Variants in ERC2 observed in about 807,000 individuals in gnomAD.
ERC2 encodes the protein ERC protein 2.
Under a neutral mutation model 114.8 loss-of-function variants are expected in ERC2, and 42 were observed. The ratio of observed to expected loss-of-function variants is 0.37; its 90% confidence interval spans 0.29 to 0.47. The LOEUF (loss-of-function observed/expected upper bound fraction) is 0.47. Ranked by LOEUF, ERC2 falls within the 20% of genes least tolerant of loss-of-function variation. The pLI, the probability that ERC2 is intolerant of heterozygous loss-of-function variation, is 0.99. For missense variants in ERC2, 939 were observed against 1,150.7 expected, an observed-to-expected ratio of 0.82 and a Z score of 2.66; for synonymous variants, 454 against 425.5, an observed-to-expected ratio of 1.07 and a Z score of -0.82.
intron 14 of ERC2, among the ~76,000 whole-genome samples, chr3:55,874,738 G>T (rs1464989776): frequency 2.0e-5 from 3 of 152,066 alleles, no homozygotes; most frequent in Non-Finnish European, 4.4e-5. Context: ...GGTGGGCAGG[G>T]TTAATGAAAG....
At chr3:55,701,240 A>G in intron 15 of ERC2, among the ~76,000 whole-genome samples, 1 of 152,192 alleles carries the variant, frequency 6.6e-6, no homozygotes, top group East Asian at 1.9e-4. Context: ...AATTATTACT[A>G]TCCTCATTTG....
At chr3:56,114,739 G>A (rs9874507) in intron 6 of ERC2, among the ~76,000 whole-genome samples, 3 of 152,042 alleles carry the variant, frequency 2.0e-5, no homozygotes, top group African/African-American at 4.8e-5. Context: ...GAAAGAGATC[G>A]GACCTAACCA....
intron 17 of ERC2, among the ~76,000 whole-genome samples, chr3:55,562,145 C>T (rs1187493029): frequency 6.6e-6 from 1 of 152,124 alleles, no homozygotes; most frequent in Non-Finnish European, 1.5e-5. Flanking sequence ...GAAAAATTCT[C>T]CCGCTGCCTT....
chr3:56,251,282 A>G (rs370141831), intron 3 of ERC2, among the ~76,000 whole-genome samples: 1 of 152,310 alleles, frequency 6.6e-6, no homozygotes, highest in South Asian at 2.1e-4. Flanking sequence ...AAAAAGTAAG[A>G]CATTATCAGT....
intron 14 of ERC2, among the ~76,000 whole-genome samples, chr3:55,785,666 T>G (rs569631303): frequency 1.3e-5 from 2 of 152,354 alleles, no homozygotes; most frequent in African/African-American, 2.4e-5. Flanking sequence ...TTCTCATTCA[T>G]GCTGCCCGGA....
chr3:56,286,733 A>T (rs1053803006), intron 3 of ERC2, among the ~76,000 whole-genome samples: 5 of 152,058 alleles, frequency 3.3e-5, no homozygotes, highest in African/African-American at 1.2e-4. Context: ...GTAATCATTT[A>T]AAAAGGTAAA....
intron 6 of ERC2, among the ~76,000 whole-genome samples, chr3:56,106,661 A>T (rs939502884): frequency 6.6e-6 from 1 of 152,332 alleles, no homozygotes; most frequent in Non-Finnish European, 1.5e-5. Context: ...GAGAAAAGCC[A>T]CTTTGGTCAA....
chr3:56,273,806 T>G (rs2053818296), intron 3 of ERC2, among the ~76,000 whole-genome samples: 1 of 152,190 alleles, frequency 6.6e-6, no homozygotes, highest in African/African-American at 2.4e-5. Context: ...TGTTGCAATG[T>G]ACTGATTTTG....
chr3:56,228,410 T>C (rs932381486), intron 3 of ERC2, among the ~76,000 whole-genome samples: 2 of 152,322 alleles, frequency 1.3e-5, no homozygotes, highest in East Asian at 3.9e-4. Context: ...CTACTTCCTG[T>C]CTCTATGAAT....
chr3:56,369,180 T>C (rs1362507670), intron 2 of ERC2, among the ~76,000 whole-genome samples: 1 of 152,226 alleles, frequency 6.6e-6, no homozygotes, highest in African/African-American at 2.4e-5. Flanking sequence ...TGTCCACTCA[T>C]AATGGAACTT....
At chr3:55,835,098 A>G (rs115012260) in intron 14 of ERC2, among the ~76,000 whole-genome samples, 28,222 of 151,644 alleles carry the variant, frequency 0.19, 4,010 homozygotes, top group African/African-American at 0.39. Context: ...TGAAATTGTG[A>G]CCATAATCAA....
chr3:56,278,027 G>A (rs2054116556), intron 3 of ERC2, among the ~76,000 whole-genome samples: 1 of 152,206 alleles, frequency 6.6e-6, no homozygotes, highest in Admixed American at 6.5e-5. Context: ...TTTGTAACAA[G>A]GGGAGATTAA....
intron 2 of ERC2, among the ~76,000 whole-genome samples, chr3:56,321,802 A>C (rs2057139148): frequency 6.6e-6 from 1 of 152,218 alleles, no homozygotes; most frequent in Admixed American, 6.5e-5. Context: ...TTGCTAAGGG[A>C]TACTTCAGGC....
At chr3:55,757,186 G>C (rs1483549971) in intron 14 of ERC2, among the ~76,000 whole-genome samples, 1 of 152,158 alleles carries the variant, frequency 6.6e-6, no homozygotes, top group Admixed American at 6.5e-5. Flanking sequence ...TTCCGGCCAA[G>C]GAGAGCTTCT....
At chr3:56,095,951 G>C (rs750081712) in intron 6 of ERC2, among the ~76,000 whole-genome samples, 1 of 152,082 alleles carries the variant, frequency 6.6e-6, no homozygotes, top group Non-Finnish European at 1.5e-5. Context: ...GACTCCTCAA[G>C]GTCAAATCTT....
intron 3 of ERC2, among the ~76,000 whole-genome samples, chr3:56,179,989 C>G (rs904580130): frequency 9.9e-5 from 15 of 151,884 alleles, no homozygotes; most frequent in Non-Finnish European, 2.1e-4. Flanking sequence ...CAGGGGTACT[C>G]CAAGAGTGAG....
chr3:56,196,493 CTTTTTTTTTT>C (rs58861980), intron 3 of ERC2, among the ~76,000 whole-genome samples: 5 of 120,680 alleles, frequency 4.1e-5, no homozygotes, highest in Non-Finnish European at 9.0e-5. Flanking sequence ...TTCTTGCCTT[CTTTTTTTTTT>C]TTTTTTTTTT....
At position 56,125,949 on chromosome 3, in the gene ERC2, A is replaced by C. The variant is rs188336417; in HGVS notation, c.1473+13560T>G. ...ACTTTTATTTCATTTTTAATGTTTT[A>C]TTATATAAATATCAAACATCGACAA... is the stretch of plus-strand genomic sequence containing the variant. On this transcript the variant is annotated intron_variant, in intron 6 of 17. Transcript: ENST00000288221. 1.4e-3 allele frequency among the ~76,000 whole-genome samples: 208 copies of C among 152,312 alleles called. 2 individuals are homozygous for C. The highest frequency in any genetic ancestry group is 0.012 in the Admixed American group (179 of 15,306).
At chr3:56,123,951 T>C (rs1255811765) in intron 6 of ERC2, among the ~76,000 whole-genome samples, 1 of 152,352 alleles carries the variant, frequency 6.6e-6, no homozygotes, top group East Asian at 1.9e-4. Context: ...CAGGGCTTTC[T>C]CAGCCAATTT....
Sources: allele counts gnomAD v4.1 joint callset (sites outside exome capture counted in the v4.1 genomes callset), GRCh38; gene constraint gnomAD v4.1.1; transcripts MANE v1.5; gene names NCBI Gene and HGNC (gene_info 2026-07-23, HGNC 2026-07-21).